Variants in NRG3 observed in about 807,000 individuals in gnomAD.
NRG3 encodes neuregulin 3, also known as pro-neuregulin-3, membrane-bound isoform.
In NRG3, 31 loss-of-function variants were observed where a neutral mutation model predicts 66.9. That is an observed-to-expected ratio of 0.46 (90% CI 0.35 to 0.63). The LOEUF (loss-of-function observed/expected upper bound fraction) is 0.63, where lower values mean the gene tolerates loss of function less well. Ranked by LOEUF, NRG3 falls within the 20% of genes least tolerant of loss-of-function variation. The probability of loss-of-function intolerance (pLI) is 0.00; values close to 1 mark genes in which losing one functional copy is unlikely to be tolerated. For missense variants in NRG3, 910 were observed against 878.9 expected (o/e 1.04, Z -0.45); for synonymous variants, 393 against 359.4 (o/e 1.09, Z -1.06).
At chr10:81,952,204 C>T (rs1258257367) in intron 1 of NRG3, among the ~76,000 whole-genome samples, 1 of 152,148 alleles carries the variant, frequency 6.6e-6, no homozygotes, top group African/African-American at 2.4e-5. Context: ...AACTAACCTG[C>T]ACGTTGTGCA....
At chr10:82,062,254 C>G (rs2064196775) in intron 1 of NRG3, among the ~76,000 whole-genome samples, 1 of 152,132 alleles carries the variant, frequency 6.6e-6, no homozygotes, top group Non-Finnish European at 1.5e-5. Flanking sequence ...TCAGTCTCCT[C>G]TGGATGCCAG....
At chr10:82,175,318 T>C (rs548427051) in intron 1 of NRG3, among the ~76,000 whole-genome samples, 6 of 152,266 alleles carry the variant, frequency 3.9e-5, no homozygotes, top group South Asian at 2.1e-4. Flanking sequence ...GTCTTTCTTA[T>C]TGAAAAAAAA....
At chr10:82,596,262 A>G (rs2133356043) in intron 2 of NRG3, among the ~76,000 whole-genome samples, 1 of 152,310 alleles carries the variant, frequency 6.6e-6, no homozygotes, top group South Asian at 2.1e-4. Flanking sequence ...TTGTGCTTAA[A>G]GCATGAGAAG....
At chr10:82,559,684 ATAATGGTCCTTAGTCAT>A (rs1309108071) in intron 2 of NRG3, among the ~76,000 whole-genome samples, 1 of 152,242 alleles carries the variant, frequency 6.6e-6, no homozygotes, top group Non-Finnish European at 1.5e-5. Context: ...ACATGCATGC[ATAATGGTCCTTAGTCAT>A]TGTTTTTACA....
At chr10:82,531,754 A>G (rs773779185) in intron 2 of NRG3, among the ~76,000 whole-genome samples, 85 of 151,888 alleles carry the variant, frequency 5.6e-4, no homozygotes, top group Non-Finnish European at 8.9e-4. Flanking sequence ...TTTCACCTTC[A>G]CCTAATCTTA....
chr10:82,978,006 G>T (rs906176830), intron 7 of NRG3, among the ~76,000 whole-genome samples: 10 of 152,092 alleles, frequency 6.6e-5, no homozygotes, highest in African/African-American at 2.4e-4. Flanking sequence ...AGTTAAATGA[G>T]AATGGAGCAC....
rs181038699 is a variant in NRG3, at chr10:81,986,667, C to A, written c.823+110504C>A. Reference sequence around the variant, plus strand: ...AAGGGAAAATATAAATTCATTGGCACAATGTCTTATTCATTTGAATTTTTT... The same window carrying A: ...AAGGGAAAATATAAATTCATTGGCAAAATGTCTTATTCATTTGAATTTTTT... On this transcript the variant is annotated intron_variant, in intron 1 of 8. Coordinates refer to ENST00000372141, the MANE Select transcript of NRG3 (RefSeq NM_001010848.4). Among the ~76,000 whole-genome samples, 258 of 152,194 alleles carry A rather than the reference C, an allele frequency of 1.7e-3. 3 individuals are homozygous for A. The highest frequency in any genetic ancestry group is 6.8e-3 in the East Asian group (35 of 5,180).
chr10:82,715,887 TCTC>T (rs1783571909), intron 2 of NRG3, among the ~76,000 whole-genome samples: 1 of 152,104 alleles, frequency 6.6e-6, no homozygotes, highest in Admixed American at 6.6e-5. Flanking sequence ...ACTACCAACT[TCTC>T]CTTGTATCCT....
intron 2 of NRG3, among the ~76,000 whole-genome samples, chr10:82,734,888 C>T (rs1236775261): frequency 6.6e-6 from 1 of 151,446 alleles, no homozygotes; most frequent in Non-Finnish European, 1.5e-5. Flanking sequence ...TATGGTGGTG[C>T]ACAATTGTAG....
chr10:82,397,935 A>T (rs968483516), intron 2 of NRG3, among the ~76,000 whole-genome samples: 1 of 152,166 alleles, frequency 6.6e-6, no homozygotes, highest in Non-Finnish European at 1.5e-5. Context: ...CTTTGGGGGC[A>T]TCTGCTGTTT....
chr10:82,740,006 CTCT>C (rs2058343170), intron 3 of NRG3, among the ~76,000 whole-genome samples: 1 of 136,180 alleles, frequency 7.3e-6, no homozygotes, highest in Admixed American at 7.6e-5. Flanking sequence ...TTCTTTCTCT[CTCT>C]TTTTTCCTCA....
At chr10:81,974,082 G>C (rs1384208009) in intron 1 of NRG3, among the ~76,000 whole-genome samples, 1 of 152,106 alleles carries the variant, frequency 6.6e-6, no homozygotes, top group Non-Finnish European at 1.5e-5. Context: ...GTTAATTTTT[G>C]TATATGGTAT....
intron 2 of NRG3, among the ~76,000 whole-genome samples, chr10:82,604,470 G>A (rs1420845712): frequency 6.6e-6 from 1 of 151,962 alleles, no homozygotes; most frequent in African/African-American, 2.4e-5. Flanking sequence ...TCACATTTTG[G>A]CAATTACAAA....
At chr10:82,601,193 A>G (rs1426937720) in intron 2 of NRG3, among the ~76,000 whole-genome samples, 2 of 152,160 alleles carry the variant, frequency 1.3e-5, no homozygotes, top group Admixed American at 6.5e-5. Flanking sequence ...TCAACCCACC[A>G]TTGATGGGCA....
intron 2 of NRG3, among the ~76,000 whole-genome samples, chr10:82,564,576 T>C (rs370797884): frequency 6.6e-6 from 1 of 152,104 alleles, no homozygotes; most frequent in East Asian, 1.9e-4. Context: ...GCTCAACATT[T>C]CTCAGCGTAA....
At position 81,875,608 on chromosome 10, in the gene NRG3, G is replaced by C; in HGVS notation, c.268G>C (p.Val90Leu). The change falls in exon 1 of 9, where the codon GTG becomes CTG. Residue 90 changes from valine to leucine, a missense_variant. Transcript: ENST00000372141. This position sits in a 1 kb window ranked among gnomAD's most constrained non-coding sequence, Gnocchi z 5.3. Reference sequence around the variant, plus strand: ...CAGCCTCATGCTTCTCAAATGGATCGTGGTGGGCTCCGTCAAGGAGTACGT... The same window carrying C: ...CAGCCTCATGCTTCTCAAATGGATCCTGGTGGGCTCCGTCAAGGAGTACGT... ...GLSLMLLKWI[V>L]VGSVKEYVPT... 1.2e-6 allele frequency: 2 copies of C among 1,613,586 alleles called. No individual in the cohort carries two copies. Among genetic ancestry groups the C allele is most frequent in the African/African-American group, 1.3e-5 (1 of 75,012 alleles).
At chr10:82,128,425 C>T (rs1182997379) in intron 1 of NRG3, among the ~76,000 whole-genome samples, 1 of 151,956 alleles carries the variant, frequency 6.6e-6, no homozygotes, top group East Asian at 1.9e-4. Context: ...CATGTGCATC[C>T]CTTATATTAA....
chr10:82,177,983 G>T lies in NRG3; in HGVS notation c.824-180756G>T, dbSNP rs2073157830. 2.6e-5 allele frequency among the ~76,000 whole-genome samples: 4 copies of T among 152,058 alleles called. No individual in the cohort carries two copies. The South Asian group carries it at 8.3e-4, about 32-fold the overall frequency. On this transcript the variant is annotated intron_variant, in intron 1 of 8. Coordinates refer to ENST00000372141, the MANE Select transcript of NRG3 (RefSeq NM_001010848.4). ...TGGGATTATAGGTGTGAGGCACTGT[G>T]CCCAGCCCATGTAAATTATCGAAGA...
intron 1 of NRG3, among the ~76,000 whole-genome samples, chr10:82,291,322 A>T (rs1020304566): frequency 2.6e-5 from 4 of 152,228 alleles, no homozygotes; most frequent in African/African-American, 9.6e-5. Flanking sequence ...AAATTTAAAA[A>T]TGCTGACAAA....
Sources: gnomAD v4.1 joint callset for allele counts (sites outside exome capture counted in the v4.1 genomes callset) on GRCh38, gnomAD v4.1.1 for gene constraint, Gnocchi (gnomAD v3.1) non-coding constraint, MANE v1.5 for transcripts, NCBI Gene and HGNC (gene_info 2026-07-23, HGNC 2026-07-21) for gene names.